The following ENOX1 variants were observed in gnomAD, a reference collection of about 807,000 sequenced individuals.
ENOX1 encodes the protein candidate growth-related and time keeping constitutive hydroquinone (NADH) oxidase.
A neutral mutation model predicts 82.5 loss-of-function variants in ENOX1; 42 were observed. That is an observed-to-expected ratio of 0.51 (90% CI 0.40 to 0.66). The LOEUF (loss-of-function observed/expected upper bound fraction) is 0.66, where lower values mean the gene tolerates loss of function less well. Ranked by LOEUF, ENOX1 falls within the 30% of genes least tolerant of loss-of-function variation. The pLI is 0.00. For missense variants in ENOX1, 608 were observed against 811.6 expected (o/e 0.75, Z 3.05); for synonymous variants, 271 against 282.2 (o/e 0.96, Z 0.40).
intron 5 of ENOX1, among the ~76,000 whole-genome samples, chr13:43,367,206 G>A (rs1378540023): frequency 6.6e-6 from 1 of 152,152 alleles, no homozygotes; most frequent in Non-Finnish European, 1.5e-5. Flanking sequence ...TAAATAAAAG[G>A]TGCTATGAAA....
intron 3 of ENOX1, among the ~76,000 whole-genome samples, chr13:43,433,535 A>G (rs2055813148): frequency 6.6e-6 from 1 of 152,208 alleles, no homozygotes; most frequent in Non-Finnish European, 1.5e-5. Context: ...ATAGTGCTCT[A>G]AAAGAATTGT....
chr13:43,488,044 T>G (rs2076491178), intron 2 of ENOX1, among the ~76,000 whole-genome samples: 1 of 152,214 alleles, frequency 6.6e-6, no homozygotes, highest in African/African-American at 2.4e-5. Flanking sequence ...TACTTTGTCC[T>G]TGCCAGACCC....
intron 11 of ENOX1, among the ~76,000 whole-genome samples, chr13:43,309,590 T>C (rs1347615454): frequency 5.9e-5 from 9 of 152,222 alleles, no homozygotes; most frequent in African/African-American, 2.2e-4. Flanking sequence ...ATTCTTCAAC[T>C]GGACACATCA....
Position 43,383,988 on chromosome 13 carries a change from G to A in ENOX1, c.209-22536C>T, listed in dbSNP as rs570330761. On this transcript the variant is annotated intron_variant, in intron 5 of 16. Transcript: ENST00000690772. ...GGAGGCAGCAGGACACAATGCATGA[G>A]ACTGATCGGCAGTGAAGCCGGACTG... Among the ~76,000 whole-genome samples the A allele has an allele frequency of 4.5e-4, 68 of 152,332 alleles. 1 individual carries two copies. Among genetic ancestry groups the A allele is most frequent in the African/African-American group, 1.5e-3 (63 of 41,568 alleles).
rs145576044 is a variant in ENOX1, at chr13:43,671,299, C to T, written c.-284-3755G>A. Among the ~76,000 whole-genome samples, 1,360 of 152,234 alleles carry T rather than the reference C, an allele frequency of 8.9e-3. 22 individuals carry two copies. Among genetic ancestry groups the T allele is most frequent in the African/African-American group, 0.031 (1,288 of 41,526 alleles). On this transcript the variant is annotated intron_variant, in intron 1 of 16. Coordinates refer to ENST00000690772, the MANE Select transcript of ENOX1 (RefSeq NM_001347969.2). ...TAGTATCTTTATAGCAGTGTGAGAA[C>T]GGACTAACACATCATCTAATCATAA...
Position 43,448,153 on chromosome 13 carries a change from T to A in ENOX1, c.-74-35165A>T, listed in dbSNP as rs574004737. Reference sequence around the variant, plus strand: ...ACTGCTTTGATTTTATCAGCATTTGTCAATTAATCAACATGAACCTTGTAA... The same window carrying A: ...ACTGCTTTGATTTTATCAGCATTTGACAATTAATCAACATGAACCTTGTAA... On this transcript the variant is annotated intron_variant, in intron 3 of 16. Coordinates refer to ENST00000690772, the MANE Select transcript of ENOX1 (RefSeq NM_001347969.2). 2.0e-5 allele frequency among the ~76,000 whole-genome samples: 3 copies of A among 152,382 alleles called. No homozygotes were observed. The East Asian group carries it at 5.8e-4, about 29-fold the overall frequency.
chr13:43,636,380 C>T (rs1170769664), intron 2 of ENOX1, among the ~76,000 whole-genome samples: 1 of 152,092 alleles, frequency 6.6e-6, no homozygotes, highest in Non-Finnish European at 1.5e-5. Context: ...TCTGGAAGAG[C>T]CAGCAGATTA....
At position 43,470,354 on chromosome 13, in the gene ENOX1, G is replaced by A. The variant is rs12428169; in HGVS notation, c.-75+13655C>T. Reference sequence around the variant, plus strand: ...TGTATATATATACGTATATATATATGTATATATATACGTATATATATACAT... The same window carrying A: ...TGTATATATATACGTATATATATATATATATATATACGTATATATATACAT... On this transcript the variant is annotated intron_variant, in intron 3 of 16. Transcript: ENST00000690772. Among the ~76,000 whole-genome samples the A allele has an allele frequency of 1.8e-3, 69 of 38,418 alleles. 5 individuals are homozygous for A. In the East Asian group the frequency reaches 0.025, roughly 14 times the overall value. 25.2% of individuals were successfully genotyped at this position (38,418 alleles called of 152,430 possible).
chr13:43,336,208 A>T (rs778846114), intron 9 of ENOX1, among the ~76,000 whole-genome samples: 1 of 152,230 alleles, frequency 6.6e-6, no homozygotes, highest in Non-Finnish European at 1.5e-5. Context: ...GATGTTCCTA[A>T]GAAGTAAATG....
At chr13:43,438,057 G>A (rs2056138656) in intron 3 of ENOX1, among the ~76,000 whole-genome samples, 1 of 152,176 alleles carries the variant, frequency 6.6e-6, no homozygotes, top group Non-Finnish European at 1.5e-5. Flanking sequence ...GCATGATACA[G>A]AAAATGAGTA....
intron 3 of ENOX1, among the ~76,000 whole-genome samples, chr13:43,446,819 G>A (rs1169714334): frequency 6.6e-6 from 1 of 152,158 alleles, no homozygotes; most frequent in Non-Finnish European, 1.5e-5. Context: ...CAGTCTCCAT[G>A]CCCATCCTGG....
intron 2 of ENOX1, among the ~76,000 whole-genome samples, chr13:43,664,048 C>T (rs2084859132): frequency 6.6e-6 from 1 of 152,106 alleles, no homozygotes; most frequent in Non-Finnish European, 1.5e-5. Flanking sequence ...CAAAAATTTT[C>T]TGAAAAATGT....
intron 5 of ENOX1, 45 bp from the exon 6 acceptor site, chr13:43,361,497 T>C (rs1381443863): frequency 3.2e-6 from 5 of 1,556,922 alleles, no homozygotes; most frequent in Non-Finnish European, 3.5e-6. Flanking sequence ...ATTAAATCCA[T>C]TTTTGTTGTT....
intron 2 of ENOX1, among the ~76,000 whole-genome samples, chr13:43,636,369 C>T (rs901621255): frequency 5.3e-5 from 8 of 152,132 alleles, no homozygotes; most frequent in African/African-American, 1.9e-4. Context: ...GGGAAGATAA[C>T]TCTGGAAGAG....
At chr13:43,713,171 T>G (rs1452341301) in intron 1 of ENOX1, among the ~76,000 whole-genome samples, 1 of 152,142 alleles carries the variant, frequency 6.6e-6, no homozygotes. Flanking sequence ...TTGAGATAAT[T>G]ATGTGGTTTT....
At chr13:43,460,726 G>A (rs1220627487) in intron 3 of ENOX1, among the ~76,000 whole-genome samples, 3 of 149,104 alleles carry the variant, frequency 2.0e-5, no homozygotes, top group Admixed American at 6.7e-5. Flanking sequence ...CCCGGGAAGC[G>A]GAGCTTGCAG....
intron 9 of ENOX1, among the ~76,000 whole-genome samples, chr13:43,341,444 CAGA>C (rs2049053659): frequency 6.6e-6 from 1 of 152,012 alleles, no homozygotes; most frequent in Non-Finnish European, 1.5e-5. Flanking sequence ...GCACCCCAGG[CAGA>C]AGGAACAGAA....
chr13:43,720,547 T>A (rs1225277737), intron 1 of ENOX1, among the ~76,000 whole-genome samples: 5 of 152,210 alleles, frequency 3.3e-5, no homozygotes, highest in Non-Finnish European at 5.9e-5. Flanking sequence ...TATGGGCATG[T>A]GACTTGTGCA....
intron 2 of ENOX1, among the ~76,000 whole-genome samples, chr13:43,549,704 T>C (rs2079109876): frequency 6.6e-6 from 1 of 152,204 alleles, no homozygotes; most frequent in South Asian, 2.1e-4. Context: ...CAAATGTATA[T>C]ATGCTCTGAG....
Sources: gnomAD v4.1 joint callset for allele counts (sites outside exome capture counted in the v4.1 genomes callset) on GRCh38, gnomAD v4.1.1 for gene constraint, MANE v1.5 for transcripts, NCBI Gene and HGNC (gene_info 2026-07-23, HGNC 2026-07-21) for gene names.